Variants in COL22A1 observed in about 807,000 individuals in gnomAD.
COL22A1 encodes collagen alpha-1(XXII) chain.
In COL22A1, 221 loss-of-function variants were observed where a neutral mutation model predicts 248.9. That is an observed-to-expected ratio of 0.89 (90% CI 0.80 to 0.99). The LOEUF is 0.99. Ranked by LOEUF, COL22A1 falls within the 50% of genes least tolerant of loss-of-function variation. The pLI is 0.00. For missense variants in COL22A1, 2,240 were observed against 2,179.0 expected (o/e 1.03, Z -0.56); for synonymous variants, 891 against 793.4 (o/e 1.12, Z -2.07).
chr8:138,834,351 A>G (rs1227005950), intron 4 of COL22A1, among the ~76,000 whole-genome samples: 1 of 152,052 alleles, frequency 6.6e-6, no homozygotes, highest in Non-Finnish European at 1.5e-5. Context: ...GAAAAAGAAA[A>G]AAAAAAAAAC....
intron 23 of COL22A1, among the ~76,000 whole-genome samples, chr8:138,727,359 A>C (rs895624063): frequency 6.6e-6 from 1 of 151,966 alleles, no homozygotes; most frequent in African/African-American, 2.4e-5. Flanking sequence ...CCGTGCTCAA[A>C]ACCAACTTAA....
At chr8:138,674,528 G>T (rs1412429898) in intron 41 of COL22A1, among the ~76,000 whole-genome samples, 1 of 152,200 alleles carries the variant, frequency 6.6e-6, no homozygotes. Context: ...CTAAACAGTT[G>T]ATTTACAGCC....
intron 16 of COL22A1, among the ~76,000 whole-genome samples, chr8:138,763,454 G>A (rs963367283): frequency 6.6e-6 from 1 of 152,172 alleles, no homozygotes; most frequent in African/African-American, 2.4e-5. Context: ...CTGAGGATAG[G>A]TAGTGAGTCA....
intron 1 of COL22A1, among the ~76,000 whole-genome samples, chr8:138,896,992 G>A (rs1270959120): frequency 6.6e-6 from 1 of 151,504 alleles, no homozygotes; most frequent in Non-Finnish European, 1.5e-5. Context: ...AATCCATTCA[G>A]GCCCCTAAGT....
At chr8:138,805,469 AATG>A (rs1265740654) in intron 10 of COL22A1, among the ~76,000 whole-genome samples, 1 of 86,094 alleles carries the variant, frequency 1.2e-5, no homozygotes. Flanking sequence ...GTGTGTGTGT[AATG>A]ATATGGGATG....
intron 12 of COL22A1, among the ~76,000 whole-genome samples, chr8:138,791,184 G>A (rs1043460544): frequency 1.5e-4 from 23 of 152,308 alleles, no homozygotes; most frequent in Admixed American, 3.3e-4. Context: ...CTTGATGCTG[G>A]GCACCTTGAT....
At chr8:138,627,197 T>G (rs114581775) in intron 50 of COL22A1, among the ~76,000 whole-genome samples, 2,209 of 151,974 alleles carry the variant, frequency 0.015, 53 homozygotes, top group African/African-American at 0.05. Flanking sequence ...AAAGATGGAG[T>G]TATTATTAGA....
intron 4 of COL22A1, among the ~76,000 whole-genome samples, chr8:138,843,472 C>A (rs945349292): frequency 6.6e-6 from 1 of 152,320 alleles, no homozygotes; most frequent in African/African-American, 2.4e-5. Flanking sequence ...AAGAAAACTT[C>A]TTTGCCATAT....
At chr8:138,772,368 T>C (rs1042046704) in intron 16 of COL22A1, among the ~76,000 whole-genome samples, 1 of 152,202 alleles carries the variant, frequency 6.6e-6, no homozygotes, top group Non-Finnish European at 1.5e-5. Context: ...ACAAATGCCA[T>C]GTGGTTGACC....
Position 138,598,793 on chromosome 8 carries a change from G to A in COL22A1, c.4291C>T (p.Gln1431Ter), listed in dbSNP as rs2131817837. The A allele has an allele frequency of 6.2e-7, 1 of 1,614,136 alleles. No individual in the cohort carries two copies. Among genetic ancestry groups the A allele is most frequent in the South Asian group, 1.1e-5 (1 of 91,086 alleles). ...GGTCCATTCTCCCCAGGTAGTCCTT[G>A]GGGACCCATCAGGCCTGTGTGGCCT... ...HKGHTGLMGP[Q>*]GLPGENGPVG... The change falls in exon 61 of 65, where the codon CAA becomes TAA. Residue 1431 changes from glutamine to a stop codon, truncating the protein, a stop_gained. Coordinates refer to ENST00000303045, the MANE Select transcript of COL22A1 (RefSeq NM_152888.3). LOFTEE classifies it high-confidence loss of function.
At chr8:138,822,491 A>T (rs1322841345) in intron 6 of COL22A1, among the ~76,000 whole-genome samples, 1 of 152,258 alleles carries the variant, frequency 6.6e-6, no homozygotes, top group East Asian at 1.9e-4. Context: ...ATCAGTGCAC[A>T]AAAGTATGAA....
intron 12 of COL22A1, among the ~76,000 whole-genome samples, chr8:138,787,726 G>T (rs1016392466): frequency 6.6e-6 from 1 of 152,130 alleles, no homozygotes; most frequent in African/African-American, 2.4e-5. Flanking sequence ...CAAAATCAGG[G>T]CTTGGCTCCA....
Position 138,809,528 on chromosome 8 carries a change from C to CTTTTTCTTTCTT in COL22A1, c.1450-1717_1450-1716insAAGAAAGAAAAA, listed in dbSNP as rs1554633655. 7.7e-5 allele frequency among the ~76,000 whole-genome samples: 9 copies of CTTTTTCTTTCTT among 117,630 alleles called. 1 individual carries two copies. Among genetic ancestry groups the CTTTTTCTTTCTT allele is most frequent in the Non-Finnish European group, 1.6e-4 (9 of 56,574 alleles). 77.2% of individuals were successfully genotyped at this position (117,630 alleles called of 152,430 possible). On this transcript the variant is annotated intron_variant, in intron 9 of 64. Coordinates refer to ENST00000303045, the MANE Select transcript of COL22A1 (RefSeq NM_152888.3). ...TTTCTTCTTCTCTTTTTTTCTTTTT[C>CTTTTTCTTTCTT]TTTTTTTTTTGAGACAGAGTCTCAC...
chr8:138,755,856 C>A (rs1342952107), intron 18 of COL22A1, 27 bp from the exon 19 acceptor site: 2 of 1,609,904 alleles, frequency 1.2e-6, no homozygotes, highest in Non-Finnish European at 1.7e-6. Flanking sequence ...AACATTTCAG[C>A]ATAGTTACTG....
chr8:138,716,140 C>G lies in COL22A1; in HGVS notation c.2463+87G>C, dbSNP rs889555263. The stretch of plus-strand genomic sequence containing the variant: ...TTCACCCAGTCAAAATTATGACTGT[C>G]CCGAGGGACTGAGACTCCACAGGGG... On this transcript the variant is annotated intron_variant, in intron 29 of 64. Coordinates refer to ENST00000303045, the MANE Select transcript of COL22A1 (RefSeq NM_152888.3). 8 of 1,023,274 alleles carry G rather than the reference C, an allele frequency of 7.8e-6. No individual in the cohort carries two copies. In the African/African-American group the frequency reaches 1.3e-4, roughly 17 times the overall value. The allele number at this position is 1,023,274 out of a possible 1,614,324, so 63.4% of individuals were successfully genotyped here. A position where few individuals can be genotyped will look rare whatever the true frequency, so the allele number is the denominator to read the frequency against.
chr8:138,700,089 C>T (rs771264712), intron 32 of COL22A1, 23 bp downstream of exon 32: 1 of 1,612,298 alleles, frequency 6.2e-7, no homozygotes, highest in Non-Finnish European at 8.5e-7. Flanking sequence ...CACTGGGCAC[C>T]CCGAGGCACC....
intron 47 of COL22A1, among the ~76,000 whole-genome samples, chr8:138,642,992 G>A (rs936253969): frequency 2.0e-5 from 3 of 150,366 alleles, no homozygotes; most frequent in East Asian, 3.9e-4. Flanking sequence ...TTGCACCACT[G>A]CGCTCCAGCC....
intron 47 of COL22A1, among the ~76,000 whole-genome samples, chr8:138,638,723 A>G (rs930581020): frequency 6.6e-6 from 1 of 152,228 alleles, no homozygotes; most frequent in Admixed American, 6.5e-5. Flanking sequence ...TAAAGGCATC[A>G]CACCCTCTGC....
intron 3 of COL22A1, among the ~76,000 whole-genome samples, chr8:138,861,592 T>TC (rs1411112656): frequency 6.6e-6 from 1 of 152,072 alleles, no homozygotes; most frequent in East Asian, 1.9e-4. Flanking sequence ...CTCGCCTCCT[T>TC]CCCCTCTCTC....
Sources: gnomAD v4.1 joint callset for allele counts (sites outside exome capture counted in the v4.1 genomes callset) on GRCh38, gnomAD v4.1.1 for gene constraint, MANE v1.5 for transcripts, NCBI Gene and HGNC (gene_info 2026-07-23, HGNC 2026-07-21) for gene names.